The following DCHS2 variants were observed in gnomAD, a reference collection of about 807,000 sequenced individuals.
DCHS2 encodes dachsous cadherin-related 2.
A neutral mutation model predicts 182.4 loss-of-function variants in DCHS2; 142 were observed. The observed-to-expected ratio is 0.78, with a 90% confidence interval of 0.68 to 0.89. DCHS2 has a LOEUF of 0.89. Among genes scored for constraint, DCHS2 ranks in the 40% least tolerant of loss-of-function variants. The pLI is 0.00. For synonymous variants in DCHS2, 1,740 were observed against 1,663.3 expected (o/e 1.05, Z -1.12); for missense variants, 4,319 against 4,198.6 (o/e 1.03, Z -0.79).
At chr4:154,285,010 A>G (rs1317525063) in intron 13 of DCHS2, among the ~76,000 whole-genome samples, 1 of 151,998 alleles carries the variant, frequency 6.6e-6, no homozygotes, top group Non-Finnish European at 1.5e-5. Flanking sequence ...AGTAAAGAAG[A>G]CTTTGTCTTG....
At chr4:154,466,730 A>AT (rs1161406616) in intron 1 of DCHS2, among the ~76,000 whole-genome samples, 1 of 152,174 alleles carries the variant, frequency 6.6e-6, no homozygotes, top group Non-Finnish European at 1.5e-5. Context: ...TATATTCAAT[A>AT]TTTTTATTAA....
chr4:154,298,467 TC>T lies in DCHS2; in HGVS notation c.5846del (p.Gly1949GlufsTer16). 1 of 1,614,170 alleles carries T rather than the reference TC, an allele frequency of 6.2e-7. No homozygotes were observed. The highest frequency in any genetic ancestry group is 8.5e-7 in the Non-Finnish European group (1 of 1,180,012). ...CAGCTGAAAGCACAAGAACCACTGT[TC>T]CCACTTCAGCATCTTCTCTCACAGA... ...QSSVREDAEV[G>X]TVVLVLSAVD... On this transcript the variant is annotated frameshift_variant, in exon 13 of 20. Transcript: ENST00000357232. LOFTEE classifies it high-confidence loss of function.
At position 154,490,019 on chromosome 4, in the gene DCHS2, C is replaced by G; in HGVS notation, c.1337G>C (p.Gly446Ala). The G allele has an allele frequency of 6.5e-7, 1 of 1,548,192 alleles. No individual in the cohort carries two copies. Among genetic ancestry groups the G allele is most frequent in the East Asian group, 2.4e-5 (1 of 40,876 alleles). ...GGCCTCATCTTCCTTCTCCCAGTCA[C>G]CGTCCGCGTCAGACACCGAGACGCG... ...VARVSVSDAD[G>A]DWEKEDEATG... is the part of the protein sequence containing the mutation. Residue 446 changes from glycine (G) to alanine (A), a missense_variant, in exon 1 of 20, where the codon GGT becomes GCT. Physicochemically the swap from Gly to Ala is moderately conservative, Grantham distance 60 (BLOSUM62 0). Transcript: ENST00000357232.
chr4:154,461,544 A>G (rs2110998538), intron 1 of DCHS2, among the ~76,000 whole-genome samples: 1 of 152,326 alleles, frequency 6.6e-6, no homozygotes, highest in Non-Finnish European at 1.5e-5. Context: ...AAGAGAAAAT[A>G]TATAAAATGG....
At chr4:154,377,976 G>C (rs996398994) in intron 1 of DCHS2, among the ~76,000 whole-genome samples, 1 of 152,134 alleles carries the variant, frequency 6.6e-6, no homozygotes, top group Non-Finnish European at 1.5e-5. Context: ...TGGAATGTGA[G>C]AGTTGAGTCT....
At position 154,437,785 on chromosome 4, in the gene DCHS2, C is replaced by A. The variant is rs191084464; in HGVS notation, c.2052+51519G>T. ...ATATAAGGAAAACTGAAAAAGTATT[C>A]TTTAGTCTCCTACATAGAAACACAC... is the stretch of plus-strand genomic sequence containing the variant. On this transcript the variant is annotated intron_variant, in intron 1 of 19. Coordinates refer to ENST00000357232, the MANE Select transcript of DCHS2 (RefSeq NM_001358235.2). Among the ~76,000 whole-genome samples the A allele has an allele frequency of 6.6e-5, 10 of 152,284 alleles. No homozygotes were observed. The East Asian group carries it at 1.5e-3, about 23-fold the overall frequency.
chr4:154,455,266 G>T (rs1374786115), intron 1 of DCHS2, among the ~76,000 whole-genome samples: 1 of 152,104 alleles, frequency 6.6e-6, no homozygotes, highest in Non-Finnish European at 1.5e-5. Flanking sequence ...ACCTACTTTA[G>T]AAAGAGCCAG....
chr4:154,233,482 AC>A lies in DCHS2; in HGVS notation c.*1053del, dbSNP rs1731286585. On this transcript the variant is annotated 3_prime_UTR_variant, in exon 20 of 20. Coordinates refer to ENST00000357232, the MANE Select transcript of DCHS2 (RefSeq NM_001358235.2). ...TCTATTCTTAACTTTTATAGTAGAA[AC>A]ATTTCCATAAAAAACTTCATTTAAA... is the stretch of plus-strand genomic sequence containing the variant. 1 of 152,222 alleles carries A rather than the reference AC, an allele frequency of 6.6e-6. No homozygotes were observed. The highest frequency in any genetic ancestry group is 2.4e-5 in the African/African-American group (1 of 41,472). The allele number at this position is 152,222 out of a possible 1,614,324, so 9.4% of individuals were successfully genotyped here. A position where few individuals can be genotyped will look rare whatever the true frequency, so the allele number is the denominator to read the frequency against.
At chr4:154,267,996 T>C (rs1733368441) in intron 14 of DCHS2, among the ~76,000 whole-genome samples, 1 of 152,222 alleles carries the variant, frequency 6.6e-6, no homozygotes, top group South Asian at 2.1e-4. Flanking sequence ...CGTTTTTCTA[T>C]TCAAGTCTTC....
chr4:154,320,940 T>C lies in DCHS2; in HGVS notation c.4459A>G (p.Asn1487Asp), dbSNP rs1736037051. The change falls in exon 9 of 20, where the codon AAC becomes GAC. Residue 1487 changes from asparagine (N) to aspartate (D), a missense_variant. Coordinates refer to ENST00000357232, the MANE Select transcript of DCHS2 (RefSeq NM_001358235.2). The part of the protein sequence containing the change: ...FRVITTDHSK[N>D]LSLSSTVFLS... ...AAGACTGTGCTACTCAGGGAAAGGTTTTTGCTATGGTCTGTAGTAATCACT... is the reference window on the plus strand; with the variant it reads ...AAGACTGTGCTACTCAGGGAAAGGTCTTTGCTATGGTCTGTAGTAATCACT... The C allele has an allele frequency of 6.2e-7, 1 of 1,613,918 alleles. No homozygotes were observed.
Position 154,334,271 on chromosome 4 carries a change from G to A in DCHS2, c.2713+597C>T, listed in dbSNP as rs72723341. ...GACTAGGAGGAGGACAAGCTCTTTG[G>A]AAAGGTAATTCATTTCTAGGAATTT... On this transcript the variant is annotated intron_variant, in intron 4 of 19. Coordinates refer to ENST00000357232, the MANE Select transcript of DCHS2 (RefSeq NM_001358235.2). 3.1e-3 allele frequency: 481 copies of A among 153,308 alleles called. 2 individuals carry two copies. Among genetic ancestry groups the A allele is most frequent in the Non-Finnish European group, 5.4e-3 (369 of 68,796 alleles). 9.5% of individuals were successfully genotyped at this position (153,308 alleles called of 1,614,324 possible). A position where few individuals can be genotyped will look rare whatever the true frequency, so the allele number is the denominator to read the frequency against.
intron 1 of DCHS2, among the ~76,000 whole-genome samples, chr4:154,385,388 T>C (rs1731363593): frequency 6.6e-6 from 1 of 152,184 alleles, no homozygotes; most frequent in Non-Finnish European, 1.5e-5. Context: ...TAAACATACA[T>C]GTACGTGTGT....
At chr4:154,365,003 G>A (rs1442071491) in intron 3 of DCHS2, among the ~76,000 whole-genome samples, 1 of 151,662 alleles carries the variant, frequency 6.6e-6, no homozygotes, top group African/African-American at 2.4e-5. Flanking sequence ...TTTTTGAAAT[G>A]TTTTATTTTC....
chr4:154,489,294 A>T lies in DCHS2; in HGVS notation c.2052+10T>A, dbSNP rs1395537741. On this transcript the variant is annotated intron_variant, in intron 1 of 19. Coordinates refer to ENST00000357232, the MANE Select transcript of DCHS2 (RefSeq NM_001358235.2). ...GCCTTCAGGTTGGCCCACAGGCCTG[A>T]TGCACTCACCTGCAGAAAGCAGTGT... The T allele has an allele frequency of 1.3e-6, 2 of 1,500,440 alleles. No individual in the cohort carries two copies. Among genetic ancestry groups the T allele is most frequent in the South Asian group, 2.7e-5 (2 of 75,194 alleles). 92.9% of individuals were successfully genotyped at this position (1,500,440 alleles called of 1,614,324 possible).
At chr4:154,309,710 G>A (rs1437517514) in intron 10 of DCHS2, among the ~76,000 whole-genome samples, 1 of 152,186 alleles carries the variant, frequency 6.6e-6, no homozygotes, top group African/African-American at 2.4e-5. Context: ...TTTGAATGCA[G>A]CTATGAGTTC....
chr4:154,278,062 A>C (rs1239679292), intron 13 of DCHS2, among the ~76,000 whole-genome samples: 2 of 152,026 alleles, frequency 1.3e-5, no homozygotes, highest in African/African-American at 4.8e-5. Context: ...AAAAGAATTT[A>C]AAATAATTAC....
chr4:154,467,667 A>T (rs750832209), intron 1 of DCHS2, among the ~76,000 whole-genome samples: 20 of 152,194 alleles, frequency 1.3e-4, no homozygotes, highest in Non-Finnish European at 2.5e-4. Context: ...AAAAAATGGA[A>T]TGAAAATAGA....
intron 14 of DCHS2, among the ~76,000 whole-genome samples, chr4:154,266,104 TG>T (rs1253672554): frequency 6.6e-6 from 1 of 152,320 alleles, no homozygotes; most frequent in East Asian, 1.9e-4. Flanking sequence ...CTTGTGATGA[TG>T]TGAGATGACA....
chr4:154,300,335 G>A (rs370775230), intron 12 of DCHS2, among the ~76,000 whole-genome samples: 52 of 152,178 alleles, frequency 3.4e-4, no homozygotes, highest in Non-Finnish European at 6.9e-4. Context: ...GGACAGGAAA[G>A]TGTCATGAAT....
Sources: allele counts gnomAD v4.1 joint callset (sites outside exome capture counted in the v4.1 genomes callset), GRCh38; gene constraint gnomAD v4.1.1; transcripts MANE v1.5; gene names NCBI Gene and HGNC (gene_info 2026-07-23, HGNC 2026-07-21).